The following ANKH variants were observed in gnomAD, a reference collection of about 807,000 sequenced individuals.
The protein encoded by ANKH is mineralization regulator ANKH.
A neutral mutation model predicts 49.0 loss-of-function variants in ANKH; 15 were observed. The ratio of observed to expected loss-of-function variants is 0.31; its 90% confidence interval spans 0.20 to 0.47. ANKH has a LOEUF of 0.47. Ranked by LOEUF, ANKH falls within the 20% of genes least tolerant of loss-of-function variation. ANKH has a pLI of 1.00. For synonymous variants in ANKH, 273 were observed against 260.0 expected (o/e 1.05, Z -0.48); for missense variants, 429 against 652.0 (o/e 0.66, Z 3.72).
chr5:14,739,356 G>T (rs1738282669), intron 8 of ANKH, among the ~76,000 whole-genome samples: 1 of 152,200 alleles, frequency 6.6e-6, no homozygotes, highest in Non-Finnish European at 1.5e-5. Context: ...AGCAGAGGTT[G>T]CAGTGAGCCG....
intron 1 of ANKH, among the ~76,000 whole-genome samples, chr5:14,813,240 TAA>T (rs5866116): frequency 6.5e-4 from 95 of 146,420 alleles, no homozygotes; most frequent in African/African-American, 1.9e-3. Context: ...AATGGCTATT[TAA>T]AAAAAAAAAA....
chr5:14,799,069 G>C (rs1740484587), intron 1 of ANKH, among the ~76,000 whole-genome samples: 2 of 152,198 alleles, frequency 1.3e-5, no homozygotes, highest in African/African-American at 4.8e-5. Flanking sequence ...TAATAAGAAA[G>C]TGCAACAGCC....
chr5:14,793,053 TATATA>T (rs1740246093), intron 1 of ANKH, among the ~76,000 whole-genome samples: 1 of 50,988 alleles, frequency 2.0e-5, no homozygotes. Context: ...TATATAAATA[TATATA>T]AAATATATAT....
At position 14,780,204 on chromosome 5, in the gene ANKH, T is replaced by C. The variant is rs148570281; in HGVS notation, c.97-11013A>G. 5.0e-3 allele frequency among the ~76,000 whole-genome samples: 757 copies of C among 152,266 alleles called. 7 individuals carry two copies. Among genetic ancestry groups the C allele is most frequent in the African/African-American group, 0.018 (732 of 41,536 alleles). On this transcript the variant is annotated intron_variant, in intron 1 of 11. Coordinates refer to ENST00000284268, the MANE Select transcript of ANKH (RefSeq NM_054027.6). ...CAAGTCAGGACGTGCCAAGGGCTGC[T>C]GGGCCCTGACCTTGTTATACACATT... is the stretch of plus-strand genomic sequence containing the variant.
chr5:14,738,633 A>G (rs762690110), intron 8 of ANKH, among the ~76,000 whole-genome samples: 2 of 152,184 alleles, frequency 1.3e-5, no homozygotes, highest in Non-Finnish European at 2.9e-5. Flanking sequence ...TCAAAATTCA[A>G]AAAAACAAAA....
intron 1 of ANKH, among the ~76,000 whole-genome samples, chr5:14,848,581 C>T (rs909629945): frequency 4.6e-5 from 7 of 152,232 alleles, no homozygotes; most frequent in Admixed American, 2.0e-4. Flanking sequence ...CCTCCAGATT[C>T]GGCAGGGTGT....
intron 1 of ANKH, among the ~76,000 whole-genome samples, chr5:14,788,486 C>G (rs538503341): frequency 6.6e-6 from 1 of 152,296 alleles, no homozygotes; most frequent in Admixed American, 6.5e-5. Context: ...GTACATTGTT[C>G]ATGAAAGAGC....
chr5:14,832,328 A>T (rs1741529039), intron 1 of ANKH, among the ~76,000 whole-genome samples: 2 of 152,224 alleles, frequency 1.3e-5, no homozygotes, highest in Admixed American at 1.3e-4. Context: ...CTCCATGTGC[A>T]AATAAATATG....
At chr5:14,819,900 TACACAC>T (rs57977744) in intron 1 of ANKH, among the ~76,000 whole-genome samples, 2,511 of 145,476 alleles carry the variant, frequency 0.017, 38 homozygotes, top group African/African-American at 0.04. Flanking sequence ...AACAAAAATA[TACACAC>T]ACACACACAC....
intron 1 of ANKH, among the ~76,000 whole-genome samples, chr5:14,859,444 G>T (rs1418495638): frequency 6.6e-6 from 1 of 152,106 alleles, no homozygotes; most frequent in Non-Finnish European, 1.5e-5. Context: ...AACCATGTCT[G>T]AACATCAAAA....
At chr5:14,860,047 C>T (rs539439548) in intron 1 of ANKH, among the ~76,000 whole-genome samples, 1 of 152,322 alleles carries the variant, frequency 6.6e-6, no homozygotes, top group East Asian at 1.9e-4. Flanking sequence ...AATCTGCCCA[C>T]GTTTAGGAGA....
chr5:14,750,691 G>A (rs4702048), intron 5 of ANKH, among the ~76,000 whole-genome samples: 10,949 of 152,292 alleles, frequency 0.072, 471 homozygotes, highest in East Asian at 0.12. Context: ...GATCCCTGCT[G>A]TAAAATCAAA....
intron 1 of ANKH, among the ~76,000 whole-genome samples, chr5:14,783,040 G>A (rs540155065): frequency 6.0e-4 from 91 of 152,198 alleles, no homozygotes; most frequent in African/African-American, 1.9e-3. Context: ...TGAGGGATCC[G>A]TTAGAACTCA....
chr5:14,798,170 G>C, intron 1 of ANKH: 1 of 1,570,294 alleles, frequency 6.4e-7, no homozygotes, highest in East Asian at 2.2e-5. Context: ...TAACAAGATG[G>C]TTTTGTTCAT....
intron 4 of ANKH, among the ~76,000 whole-genome samples, chr5:14,755,052 ACT>A (rs1021174461): frequency 7.4e-6 from 1 of 135,094 alleles, no homozygotes; most frequent in Non-Finnish European, 1.5e-5. Flanking sequence ...CAAGAGCGAA[ACT>A]CTGTCTCAAA....
chr5:14,740,435 G>A (rs1738318046), intron 8 of ANKH, among the ~76,000 whole-genome samples: 1 of 151,656 alleles, frequency 6.6e-6, no homozygotes. Flanking sequence ...ATGGCTGCCT[G>A]GGGAACCGGC....
chr5:14,790,333 C>G (rs1022423919), intron 1 of ANKH, among the ~76,000 whole-genome samples: 7 of 152,206 alleles, frequency 4.6e-5, no homozygotes, highest in Non-Finnish European at 8.8e-5. Context: ...TGAATGTGTT[C>G]TTGGCTGATG....
At chr5:14,833,415 G>A (rs1336139078) in intron 1 of ANKH, among the ~76,000 whole-genome samples, 1 of 152,134 alleles carries the variant, frequency 6.6e-6, no homozygotes, top group Non-Finnish European at 1.5e-5. Context: ...ACTAGTAAAA[G>A]GTTTAGTCTC....
intron 1 of ANKH, among the ~76,000 whole-genome samples, chr5:14,840,169 G>A (rs1416814476): frequency 6.6e-6 from 1 of 152,182 alleles, no homozygotes; most frequent in Non-Finnish European, 1.5e-5. Context: ...AACATGCTGG[G>A]TTTGCTCATG....
Sources: allele counts gnomAD v4.1 joint callset (sites outside exome capture counted in the v4.1 genomes callset), GRCh38; gene constraint gnomAD v4.1.1; transcripts MANE v1.5; gene names NCBI Gene and HGNC (gene_info 2026-07-23, HGNC 2026-07-21).